The following MCF2L variants were observed in gnomAD, a reference collection of about 807,000 sequenced individuals.
MCF2L encodes the protein MCF.2 cell line derived transforming sequence like, also known as guanine nucleotide exchange factor DBS.
MCF2L carries 97 observed loss-of-function variants against 153.4 expected under a neutral mutation model. The ratio of observed to expected loss-of-function variants is 0.63; its 90% confidence interval spans 0.54 to 0.75. The LOEUF is 0.75. MCF2L is among the 30% of genes least tolerant of loss of function. The pLI is 0.00. For synonymous variants in MCF2L, 659 were observed against 632.2 expected (o/e 1.04, Z -0.64); for missense variants, 1,347 against 1,495.2 (o/e 0.90, Z 1.64).
chr13:113,089,976 G>A (rs953976750), intron 26 of MCF2L: 33 of 1,599,638 alleles, frequency 2.1e-5, no homozygotes, highest in South Asian at 5.5e-5. Context: ...CGTGCAACCC[G>A]GAGCCGCCTT....
At chr13:113,017,959 GC>G (rs2084638472) in intron 2 of MCF2L, among the ~76,000 whole-genome samples, 2 of 152,322 alleles carry the variant, frequency 1.3e-5, no homozygotes, top group South Asian at 2.1e-4. Context: ...CTTTCCACTT[GC>G]CCTGCTGATT....
chr13:113,055,385 CACACACACACACACACACACACACA>C lies in MCF2L; in HGVS notation c.370-5207_370-5183del, dbSNP rs1566811532. Among the ~76,000 whole-genome samples the C allele has an allele frequency of 9.6e-3, 86 of 8,928 alleles. 19 individuals are homozygous for C. The highest frequency in any genetic ancestry group is 0.025 in the African/African-American group (54 of 2,164). The allele number at this position is 8,928 out of a possible 152,430, so 5.9% of individuals were successfully genotyped here. ...GAGACGTGGACCCCCCCCCCCGCCA[CACACACACACACACACACACACACA>C]CACACACACACACACACACACACAC... On this transcript the variant is annotated intron_variant, in intron 4 of 29. Coordinates refer to ENST00000535094, the MANE Select transcript of MCF2L (RefSeq NM_001112732.3).
intron 1 of MCF2L, among the ~76,000 whole-genome samples, chr13:112,975,054 G>C (rs970079047): frequency 2.0e-5 from 3 of 152,220 alleles, no homozygotes; most frequent in Non-Finnish European, 2.9e-5. Context: ...GGATACCACT[G>C]TAAGTAGTAT....
At chr13:113,003,099 C>T (rs1048659246) in intron 1 of MCF2L, among the ~76,000 whole-genome samples, 5 of 151,970 alleles carry the variant, frequency 3.3e-5, no homozygotes, top group African/African-American at 7.2e-5. Flanking sequence ...TCATTTGAGC[C>T]CAGGAGGTCA....
chr13:112,968,175 C>A (rs981273555), upstream of MCF2L, among the ~76,000 whole-genome samples: 4 of 146,334 alleles, frequency 2.7e-5, no homozygotes, highest in Non-Finnish European at 6.0e-5. Flanking sequence ...TGCCCAGGCT[C>A]AAACTTCTGG....
At position 112,983,852 on chromosome 13, in the gene MCF2L, C is replaced by A. The variant is rs746938118; in HGVS notation, c.79+14394C>A. Among the ~76,000 whole-genome samples the A allele has an allele frequency of 1.3e-5, 2 of 152,218 alleles. No individual in the cohort carries two copies. Among genetic ancestry groups the A allele is most frequent in the Admixed American group, 6.5e-5 (1 of 15,286 alleles). ...GGACAGACCTCTCCCCGTGCTGCAG[C>A]TGTTTTCCTTGGGTTGAGCACTGAA... On this transcript the variant is annotated intron_variant, in intron 1 of 29. Coordinates refer to ENST00000535094, the MANE Select transcript of MCF2L (RefSeq NM_001112732.3). This position sits in a 1 kb window ranked among gnomAD's most constrained non-coding sequence, Gnocchi z 4.0.
intron 3 of MCF2L, chr13:113,042,973 T>C (rs1159514819): frequency 6.6e-6 from 1 of 152,248 alleles, no homozygotes; most frequent in African/African-American, 2.4e-5. Context: ...CAGGCTTTGT[T>C]GTTCTGCAAA....
chr13:112,990,992 G>A (rs1566699420), intron 1 of MCF2L, among the ~76,000 whole-genome samples: 1 of 152,226 alleles, frequency 6.6e-6, no homozygotes, highest in Non-Finnish European at 1.5e-5. Flanking sequence ...CTGGTACATT[G>A]TTGCCACAGA....
intron 2 of MCF2L, chr13:112,909,255 G>A: frequency 1.3e-6 from 1 of 779,752 alleles, no homozygotes; most frequent in Non-Finnish European, 2.4e-6. Flanking sequence ...TCCAGCAGAG[G>A]TCTCGGCATC....
chr13:113,060,287 G>A (rs558796651), intron 4 of MCF2L, among the ~76,000 whole-genome samples: 123 of 152,308 alleles, frequency 8.1e-4, no homozygotes, highest in African/African-American at 2.9e-3. Context: ...GTTAGGCTTC[G>A]ACATCATAAT....
At chr13:112,952,511 C>A (rs1298523194) in intron 2 of MCF2L, among the ~76,000 whole-genome samples, 1 of 152,292 alleles carries the variant, frequency 6.6e-6, no homozygotes, top group South Asian at 2.1e-4. Flanking sequence ...GACCAGTCAC[C>A]GGATCCTCTT....
intron 1 of MCF2L, among the ~76,000 whole-genome samples, chr13:113,011,152 C>G (rs2084070695): frequency 6.6e-6 from 1 of 152,214 alleles, no homozygotes; most frequent in African/African-American, 2.4e-5. Flanking sequence ...GGCCAACACT[C>G]TGGTGTGGGT....
Position 112,904,418 on chromosome 13 carries a change from T to C in MCF2L, c.169+2047T>C, listed in dbSNP as rs2081151266. On this transcript the variant is annotated intron_variant, in intron 2 of 29. Transcript: ENST00000375608. This position sits in a 1 kb window ranked among gnomAD's most constrained non-coding sequence, Gnocchi z 4.2. Reference sequence around the variant, plus strand: ...ACAAGCTTGGGTGGGTTGAGAAGCCTCTGCAGTGTGGGCAGCAGTAGTAGC... The same window carrying C: ...ACAAGCTTGGGTGGGTTGAGAAGCCCCTGCAGTGTGGGCAGCAGTAGTAGC... Among the ~76,000 whole-genome samples, 1 of 152,180 alleles carries C rather than the reference T, an allele frequency of 6.6e-6. No homozygotes were observed. The highest frequency in any genetic ancestry group is 2.1e-4 in the South Asian group (1 of 4,834).
chr13:113,029,906 C>T (rs1013155055), intron 3 of MCF2L, among the ~76,000 whole-genome samples: 31 of 152,236 alleles, frequency 2.0e-4, no homozygotes, highest in African/African-American at 7.0e-4. Flanking sequence ...GGACAAATCT[C>T]TCGTGAAGGC....
rs2141914273 is a variant in MCF2L, at chr13:113,074,545, C to T, written c.1098C>T (p.Ser366=). The change falls in exon 10 of 30, where the codon AGC becomes AGT. Residue 366 remains serine (S), a synonymous_variant. Transcript: ENST00000535094. This position sits in a 1 kb window ranked among gnomAD's most constrained non-coding sequence, Gnocchi z 4.2. The part of the protein sequence containing the change: ...HVEHLLRDLA[S]FEEKSGVAVE... ...AGCACCTGCTGAGGGACCTGGCCAG[C>T]TTCGAGGAGAAATCAGGCGTAAGGC... 3 of 1,613,930 alleles carry T rather than the reference C, an allele frequency of 1.9e-6. No individual in the cohort carries two copies. The highest frequency in any genetic ancestry group is 2.5e-6 in the Non-Finnish European group (3 of 1,179,942).
chr13:112,916,139 C>T (rs1208238497), intron 2 of MCF2L, among the ~76,000 whole-genome samples: 3 of 147,912 alleles, frequency 2.0e-5, no homozygotes, highest in Non-Finnish European at 2.9e-5. Context: ...ACCTGGGAGG[C>T]GGAGGTTGCA....
chr13:112,922,353 C>T (rs971717973), intron 2 of MCF2L, among the ~76,000 whole-genome samples: 1 of 152,174 alleles, frequency 6.6e-6, no homozygotes, highest in African/African-American at 2.4e-5. Context: ...AATTTCAGTG[C>T]AACTTAAACT....
intron 2 of MCF2L, among the ~76,000 whole-genome samples, chr13:113,021,781 T>C (rs1156561574): frequency 6.6e-6 from 1 of 152,122 alleles, no homozygotes; most frequent in African/African-American, 2.4e-5. Flanking sequence ...GCGCCTGCTT[T>C]TCAGTCTCAG....
At chr13:113,025,216 G>GCA (rs2141291928) in intron 3 of MCF2L, among the ~76,000 whole-genome samples, 1 of 110,932 alleles carries the variant, frequency 9.0e-6, no homozygotes, top group Non-Finnish European at 1.9e-5. Flanking sequence ...GGGTCCCCGT[G>GCA]ACTGTGGGTC....
Sources: allele counts gnomAD v4.1 joint callset (sites outside exome capture counted in the v4.1 genomes callset), GRCh38; gene constraint gnomAD v4.1.1; non-coding constraint Gnocchi (gnomAD v3.1); transcripts MANE v1.5; gene names NCBI Gene and HGNC (gene_info 2026-07-23, HGNC 2026-07-21).